The following IGF1R variants were observed in gnomAD, a reference collection of about 807,000 sequenced individuals.
The protein encoded by IGF1R is insulin like growth factor 1 receptor.
In IGF1R, 44 loss-of-function variants were observed where a neutral mutation model predicts 144.6. The observed-to-expected ratio is 0.30, with a 90% CI of 0.24 to 0.39. The LOEUF is 0.39. IGF1R is among the 10% of genes least tolerant of loss of function. The pLI is 1.00. For synonymous variants in IGF1R, 795 were observed against 722.8 expected, an observed-to-expected ratio of 1.10 and a Z score of -1.60; for missense variants, 1,355 against 1,833.7, an observed-to-expected ratio of 0.74 and a Z score of 4.77.
intron 1 of IGF1R, among the ~76,000 whole-genome samples, chr15:98,672,723 ATGGCT>A (rs1285126821): frequency 1.3e-5 from 2 of 152,178 alleles, no homozygotes; most frequent in Non-Finnish European, 2.9e-5. Flanking sequence ...TAGGATGATA[ATGGCT>A]TGGCCACTCA....
intron 2 of IGF1R, among the ~76,000 whole-genome samples, chr15:98,806,608 A>G (rs548185170): frequency 3.3e-5 from 5 of 152,394 alleles, no homozygotes; most frequent in African/African-American, 2.4e-5. Flanking sequence ...TAAGGAAATT[A>G]TCTCACAGAG....
At chr15:98,924,455 A>G (rs2151694178) in intron 12 of IGF1R, 70 bp from the exon 13 acceptor site, 1 of 1,460,620 alleles carries the variant, frequency 6.8e-7, no homozygotes. Context: ...CAGTGTGGTG[A>G]GTTTAGTTGG....
chr15:98,836,567 C>G (rs564091242), intron 2 of IGF1R, among the ~76,000 whole-genome samples: 1 of 151,826 alleles, frequency 6.6e-6, no homozygotes, highest in Non-Finnish European at 1.5e-5. Flanking sequence ...CCAGTTTTCC[C>G]TAACGTTAGC....
At chr15:98,785,199 G>A (rs2055963090) in intron 2 of IGF1R, among the ~76,000 whole-genome samples, 1 of 152,142 alleles carries the variant, frequency 6.6e-6, no homozygotes. Context: ...ATGTCATCTT[G>A]TTATTTAGGT....
At chr15:98,840,374 A>G (rs2011152871) in intron 2 of IGF1R, among the ~76,000 whole-genome samples, 2 of 152,236 alleles carry the variant, frequency 1.3e-5, no homozygotes, top group Non-Finnish European at 2.9e-5. Flanking sequence ...CATCTAAACC[A>G]ATGGGGAACG....
At chr15:98,910,916 C>G (rs528049199) in intron 6 of IGF1R, among the ~76,000 whole-genome samples, 1 of 152,380 alleles carries the variant, frequency 6.6e-6, no homozygotes, top group South Asian at 2.1e-4. Flanking sequence ...GTGTCATCGT[C>G]TCTCTTAAGA....
intron 7 of IGF1R, among the ~76,000 whole-genome samples, chr15:98,911,741 A>C (rs1161068115): frequency 1.3e-5 from 2 of 152,208 alleles, no homozygotes; most frequent in Non-Finnish European, 2.9e-5. Context: ...TGCTTTTTCC[A>C]GAATTAGGTC....
At chr15:98,944,467 TTTAACACA>T (rs1451099050) in intron 19 of IGF1R, among the ~76,000 whole-genome samples, 1 of 152,244 alleles carries the variant, frequency 6.6e-6, no homozygotes, top group Non-Finnish European at 1.5e-5. Flanking sequence ...TTGTTTGCTT[TTTAACACA>T]GGCTTTGAGG....
intron 2 of IGF1R, among the ~76,000 whole-genome samples, chr15:98,864,425 C>G (rs1473626353): frequency 3.3e-5 from 5 of 152,248 alleles, no homozygotes; most frequent in Admixed American, 1.3e-4. Context: ...GCCTGTCACC[C>G]AGGCTGGAGT....
intron 1 of IGF1R, among the ~76,000 whole-genome samples, chr15:98,677,253 G>T (rs1596172799): frequency 6.6e-6 from 1 of 152,126 alleles, no homozygotes; most frequent in East Asian, 1.9e-4. Context: ...GTTTCTTTTA[G>T]GTGATTATTG....
At chr15:98,701,324 ATTTTTTTTTTTTTTT>A (rs10581900) in intron 1 of IGF1R, among the ~76,000 whole-genome samples, 81 of 73,022 alleles carry the variant, frequency 1.1e-3, no homozygotes, top group African/African-American at 2.2e-3. Context: ...AGCCTATCTC[ATTTTTTTTTTTTTTT>A]TTTTTTTTTT....
At chr15:98,820,592 G>A (rs1406007276) in intron 2 of IGF1R, among the ~76,000 whole-genome samples, 2 of 152,150 alleles carry the variant, frequency 1.3e-5, no homozygotes, top group African/African-American at 4.8e-5. Flanking sequence ...CAGACCCTCA[G>A]TGTCATTATA....
Position 98,962,789 on chromosome 15 carries a change from T to A in IGF1R, c.*5347T>A, listed in dbSNP as rs2017276283. On this transcript the variant is annotated 3_prime_UTR_variant, in exon 21 of 21. Transcript: ENST00000650285. ...GGCTCAGCAGTCATCCGTGGGCATT[T>A]GGTTTCAACAAAGAAACCTAACATC... 1 of 233,476 alleles carries A rather than the reference T, an allele frequency of 4.3e-6. No homozygotes were observed. Among genetic ancestry groups the A allele is most frequent in the South Asian group, 1.8e-4 (1 of 5,532 alleles). 14.5% of individuals were successfully genotyped at this position (233,476 alleles called of 1,614,324 possible). A position where few individuals can be genotyped will look rare whatever the true frequency, so the allele number is the denominator to read the frequency against.
chr15:98,748,710 A>T (rs992332915), intron 2 of IGF1R, among the ~76,000 whole-genome samples: 4 of 152,242 alleles, frequency 2.6e-5, no homozygotes, highest in African/African-American at 9.6e-5. Flanking sequence ...GTCAGCTTTC[A>T]GAGTATGTGA....
intron 2 of IGF1R, among the ~76,000 whole-genome samples, chr15:98,811,606 A>G (rs1419364314): frequency 1.1e-4 from 16 of 151,796 alleles, no homozygotes; most frequent in African/African-American, 1.7e-4. Flanking sequence ...TGTTGGGTCT[A>G]TTTGTATTCT....
At chr15:98,926,129 A>T (rs560743822) in intron 13 of IGF1R, among the ~76,000 whole-genome samples, 127 of 152,300 alleles carry the variant, frequency 8.3e-4, no homozygotes, top group Middle Eastern at 3.4e-3. Flanking sequence ...ATAGAATACT[A>T]TTCTACCATA....
chr15:98,707,154 C>T lies in IGF1R; in HGVS notation c.95-408C>T, dbSNP rs968601675. On this transcript the variant is annotated intron_variant, in intron 1 of 20. Coordinates refer to ENST00000650285, the MANE Select transcript of IGF1R (RefSeq NM_000875.5). The surrounding 1 kb of genome is among the most constrained non-coding windows in gnomAD (Gnocchi z 6.7). ...GTAGTAAGTTATTGATACTTGGCTG[C>T]TGAGCTGTCGTTCAGGCCTTGGCAA... 6.6e-6 allele frequency among the ~76,000 whole-genome samples: 1 copy of T among 152,196 alleles called. No individual in the cohort carries two copies. Among genetic ancestry groups the T allele is most frequent in the Non-Finnish European group, 1.5e-5 (1 of 68,032 alleles).
intron 2 of IGF1R, among the ~76,000 whole-genome samples, chr15:98,813,944 A>G (rs904376693): frequency 2.6e-5 from 4 of 152,330 alleles, no homozygotes; most frequent in South Asian, 4.1e-4. Flanking sequence ...GTCAACAACA[A>G]TAGCTTAATC....
intron 1 of IGF1R, among the ~76,000 whole-genome samples, chr15:98,669,081 C>G (rs746642980): frequency 5.3e-5 from 8 of 152,194 alleles, no homozygotes; most frequent in Non-Finnish European, 1.0e-4. Context: ...ATGAGTCACT[C>G]CTATGACTGT....
Sources: allele counts gnomAD v4.1 joint callset (sites outside exome capture counted in the v4.1 genomes callset), GRCh38; gene constraint gnomAD v4.1.1; non-coding constraint Gnocchi (gnomAD v3.1); transcripts MANE v1.5; gene names NCBI Gene and HGNC (gene_info 2026-07-23, HGNC 2026-07-21).